EGFR: variants seen among roughly 807,000 people sequenced by gnomAD.
The protein encoded by EGFR is epidermal growth factor receptor.
Under a neutral mutation model 143.0 loss-of-function variants are expected in EGFR, and 58 were observed. That is an observed-to-expected ratio of 0.41 (90% CI 0.33 to 0.50). The LOEUF (loss-of-function observed/expected upper bound fraction) is 0.50, where lower values mean the gene tolerates loss of function less well. Ranked by LOEUF, EGFR falls within the 20% of genes least tolerant of loss-of-function variation. The probability of loss-of-function intolerance (pLI) is 0.39; values close to 1 mark genes in which losing one functional copy is unlikely to be tolerated. For missense variants in EGFR, 1,307 were observed against 1,579.0 expected, an observed-to-expected ratio of 0.83 and a Z score of 2.92; for synonymous variants, 613 against 594.4, an observed-to-expected ratio of 1.03 and a Z score of -0.45.
chr7:55,170,163 C>A, intron 15 of EGFR: 1 of 1,453,834 alleles, frequency 6.9e-7, no homozygotes, highest in Non-Finnish European at 9.4e-7. Flanking sequence ...GAGGGAGCAC[C>A]CAGACCCCCA....
chr7:55,134,822 A>G (rs1203516204), intron 1 of EGFR, among the ~76,000 whole-genome samples: 1 of 152,224 alleles, frequency 6.6e-6, no homozygotes, highest in East Asian at 1.9e-4. Flanking sequence ...GTCATGCTCC[A>G]TATTTAGAGA....
At chr7:55,150,721 G>C (rs925282187) in intron 4 of EGFR, among the ~76,000 whole-genome samples, 1 of 152,188 alleles carries the variant, frequency 6.6e-6, no homozygotes, top group African/African-American at 2.4e-5. Context: ...TATAAAAACT[G>C]CAAAAATTGA....
intron 1 of EGFR, among the ~76,000 whole-genome samples, chr7:55,040,024 A>AG (rs1232606893): frequency 6.6e-6 from 1 of 152,230 alleles, no homozygotes; most frequent in Non-Finnish European, 1.5e-5. Flanking sequence ...ATGGTGACGC[A>AG]GAAATTCAGA....
Position 55,100,733 on chromosome 7 carries a change from G to A in EGFR, c.89-41553G>A, listed in dbSNP as rs111900382. 5.9e-5 allele frequency among the ~76,000 whole-genome samples: 9 copies of A among 152,266 alleles called. No individual in the cohort carries two copies. The East Asian group carries it at 9.7e-4, about 16-fold the overall frequency. ...TCCTGGGACACGCAGACAGGAAGCC[G>A]GCCACCTGAGCCACTCGGAGGCTCT... is the stretch of plus-strand genomic sequence containing the variant. On this transcript the variant is annotated intron_variant, in intron 1 of 27. Transcript: ENST00000275493.
chr7:55,135,164 G>A (rs1794065922), intron 1 of EGFR, among the ~76,000 whole-genome samples: 1 of 152,058 alleles, frequency 6.6e-6, no homozygotes, highest in South Asian at 2.1e-4. Flanking sequence ...TCACAAGCTT[G>A]GCTTTGGATT....
Position 55,207,016 on chromosome 7 carries a change from T to C in EGFR, c.*1399T>C. 1 of 233,104 alleles carries C rather than the reference T, an allele frequency of 4.3e-6. No individual in the cohort carries two copies. The highest frequency in any genetic ancestry group is 1.8e-4 in the South Asian group (1 of 5,520). 14.4% of individuals were successfully genotyped at this position (233,104 alleles called of 1,614,324 possible). Reference sequence around the variant, plus strand: ...AAATAATTTCTCTACAATTGGAAGATTGGAAGATTCAGCTAGTTAGGAGCC... The same window carrying C: ...AAATAATTTCTCTACAATTGGAAGACTGGAAGATTCAGCTAGTTAGGAGCC... On this transcript the variant is annotated 3_prime_UTR_variant, in exon 28 of 28. Coordinates refer to ENST00000275493, the MANE Select transcript of EGFR (RefSeq NM_005228.5).
intron 1 of EGFR, among the ~76,000 whole-genome samples, chr7:55,028,262 G>A (rs998006193): frequency 2.0e-5 from 3 of 151,802 alleles, no homozygotes; most frequent in Non-Finnish European, 4.4e-5. Context: ...TCCAGGTTTT[G>A]GATAAAATTG....
In EGFR at chr7:55,209,882, T is replaced by G. The variant is rs1158224339; in HGVS notation, c.*4265T>G. The G allele has an allele frequency of 6.6e-6, 1 of 152,212 alleles. No individual in the cohort carries two copies. The highest frequency in any genetic ancestry group is 1.5e-5 in the Non-Finnish European group (1 of 68,022). The allele number at this position is 152,212 out of a possible 1,614,324, so 9.4% of individuals were successfully genotyped here. ...CTGCAATAGAATCAAAATTTGAAAC[T>G]GAAATCTTTGTTTAAAAGGGTTAAG... On this transcript the variant is annotated 3_prime_UTR_variant, in exon 28 of 28. Transcript: ENST00000275493.
chr7:55,060,240 T>C (rs1425677644), intron 1 of EGFR, among the ~76,000 whole-genome samples: 1 of 152,270 alleles, frequency 6.6e-6, no homozygotes, highest in Non-Finnish European at 1.5e-5. Context: ...ATTTCATTAA[T>C]ATATTCTAGT....
intron 1 of EGFR, among the ~76,000 whole-genome samples, chr7:55,068,292 C>T (rs1037990241): frequency 2.0e-5 from 3 of 152,126 alleles, no homozygotes; most frequent in African/African-American, 7.2e-5. Context: ...AAACTTCATG[C>T]TTGATGTTGA....
intron 1 of EGFR, among the ~76,000 whole-genome samples, chr7:55,100,656 G>A (rs970244572): frequency 6.6e-6 from 1 of 152,202 alleles, no homozygotes; most frequent in Admixed American, 6.5e-5. Context: ...GGAGACCCAC[G>A]CCTGCCAAGG....
intron 1 of EGFR, among the ~76,000 whole-genome samples, chr7:55,099,816 A>G (rs986223579): frequency 6.6e-6 from 1 of 151,752 alleles, no homozygotes; most frequent in Admixed American, 6.6e-5. Flanking sequence ...CTGTGAACAG[A>G]TGTGCAATTA....
In EGFR at chr7:55,037,126, A is replaced by T. The variant is rs1019838224; in HGVS notation, c.88+17761A>T. The stretch of plus-strand genomic sequence containing the variant: ...TAATTGTATTATGCAACCATAAATG[A>T]TGTCTGCTGTACCAGCGGGGACAGT... On this transcript the variant is annotated intron_variant, in intron 1 of 27. Coordinates refer to ENST00000275493, the MANE Select transcript of EGFR (RefSeq NM_005228.5). Among the ~76,000 whole-genome samples the T allele has an allele frequency of 2.0e-5, 3 of 152,332 alleles. No individual in the cohort carries two copies. The East Asian group carries it at 5.8e-4, about 29-fold the overall frequency.
intron 1 of EGFR, among the ~76,000 whole-genome samples, chr7:55,116,771 G>C (rs909965639): frequency 1.3e-5 from 2 of 152,144 alleles, no homozygotes; most frequent in Admixed American, 1.3e-4. Flanking sequence ...TACTCCTTTG[G>C]GTCAGGTTCT....
chr7:55,202,450 G>A, intron 26 of EGFR, 67 bp from the exon 27 acceptor site: 2 of 1,360,516 alleles, frequency 1.5e-6, no homozygotes, highest in Non-Finnish European at 2.1e-6. Flanking sequence ...GATCTCGGGT[G>A]ATTTTTGCAA....
intron 13 of EGFR, among the ~76,000 whole-genome samples, chr7:55,163,136 A>T (rs1354945207): frequency 6.6e-6 from 1 of 152,226 alleles, no homozygotes; most frequent in Non-Finnish European, 1.5e-5. Context: ...TCGCTGCTGG[A>T]GGGTAGAACT....
chr7:55,055,774 A>G (rs1294116437), intron 1 of EGFR, among the ~76,000 whole-genome samples: 2 of 151,444 alleles, frequency 1.3e-5, no homozygotes, highest in Non-Finnish European at 2.9e-5. Flanking sequence ...TCTACCCTGG[A>G]CTTCATCTTG....
In EGFR at chr7:55,201,071, A is replaced by G. The variant is rs111425317; in HGVS notation, c.2947-117A>G. ...TTAGAGAACCAAGGGGGATTTCATT[A>G]TAACAAAATTGGCAAACACACAGGC... is the stretch of plus-strand genomic sequence containing the variant. On this transcript the variant is annotated intron_variant, in intron 24 of 27. Transcript: ENST00000275493. 2.5e-5 allele frequency: 32 copies of G among 1,281,918 alleles called. No homozygotes were observed. The African/African-American group carries it at 3.4e-4, about 13-fold the overall frequency. 79.4% of individuals were successfully genotyped at this position (1,281,918 alleles called of 1,614,324 possible). A position where few individuals can be genotyped will look rare whatever the true frequency, so the allele number is the denominator to read the frequency against.
In EGFR at chr7:55,152,352, T is replaced by C. The variant is rs1785199541; in HGVS notation, c.629-194T>C. ...ACTTGATCTCATGAGTTCTCTTAAGTGATTAAAAATAAATCAGGAGAAAAA... is the reference window on the plus strand; with the variant it reads ...ACTTGATCTCATGAGTTCTCTTAAGCGATTAAAAATAAATCAGGAGAAAAA... On this transcript the variant is annotated intron_variant, in intron 5 of 27. Transcript: ENST00000275493. 3 of 762,520 alleles carry C rather than the reference T, an allele frequency of 3.9e-6. No homozygotes were observed. In the South Asian group the frequency reaches 4.1e-5, roughly 10 times the overall value. The allele number at this position is 762,520 out of a possible 1,614,324, so 47.2% of individuals were successfully genotyped here. A position where few individuals can be genotyped will look rare whatever the true frequency, so the allele number is the denominator to read the frequency against.
Sources: allele counts gnomAD v4.1 joint callset (sites outside exome capture counted in the v4.1 genomes callset), GRCh38; gene constraint gnomAD v4.1.1; transcripts MANE v1.5; gene names NCBI Gene and HGNC (gene_info 2026-07-23, HGNC 2026-07-21).